VPS13B: variants seen among roughly 807,000 people sequenced by gnomAD.
VPS13B encodes intermembrane lipid transfer protein VPS13B.
Under a neutral mutation model 426.4 loss-of-function variants are expected in VPS13B, and 285 were observed. That is an observed-to-expected ratio of 0.67 (90% confidence interval 0.61 to 0.74). The LOEUF is 0.74. VPS13B is among the 30% of genes least tolerant of loss of function. VPS13B has a pLI of 0.00. For missense variants in VPS13B, 4,537 were observed against 4,782.6 expected, an observed-to-expected ratio of 0.95 and a Z score of 1.51; for synonymous variants, 1,676 against 1,676.4, an observed-to-expected ratio of 1.00 and a Z score of 0.01.
chr8:99,542,646 G>T (rs998726362), intron 30 of VPS13B, among the ~76,000 whole-genome samples: 1 of 152,154 alleles, frequency 6.6e-6, no homozygotes, highest in Non-Finnish European at 1.5e-5. Flanking sequence ...TTATTACATA[G>T]GTGGATGGAG....
At chr8:99,377,571 T>C (rs1484954672) in intron 19 of VPS13B, among the ~76,000 whole-genome samples, 1 of 152,200 alleles carries the variant, frequency 6.6e-6, no homozygotes, top group Non-Finnish European at 1.5e-5. Flanking sequence ...ATCTTCATGA[T>C]TTCATAAGTG....
intron 19 of VPS13B, among the ~76,000 whole-genome samples, chr8:99,286,014 T>G (rs897214584): frequency 6.6e-6 from 1 of 152,118 alleles, no homozygotes; most frequent in African/African-American, 2.4e-5. Context: ...TTGCCCTTCC[T>G]CCTCCCCATC....
At chr8:99,809,919 C>G (rs1017389110) in intron 44 of VPS13B, among the ~76,000 whole-genome samples, 23 of 152,124 alleles carry the variant, frequency 1.5e-4, no homozygotes, top group African/African-American at 5.6e-4. Context: ...AGAGTTGGTT[C>G]TCATGCACGT....
In VPS13B at chr8:99,631,239, G is replaced by T. The variant is rs1471649698; in HGVS notation, c.5221-10572G>T. Among the ~76,000 whole-genome samples the T allele has an allele frequency of 5.9e-5, 9 of 152,150 alleles. No homozygotes were observed. In the East Asian group the frequency reaches 1.7e-3, roughly 29 times the overall value. ...CAAGAATTTGTGTCTCATTCAATTG[G>T]TTTTTCTGGGAATCATGGCATGACT... On this transcript the variant is annotated intron_variant, in intron 33 of 61. Transcript: ENST00000357162.
chr8:99,417,209 C>T (rs1346666649), intron 21 of VPS13B, among the ~76,000 whole-genome samples: 1 of 152,042 alleles, frequency 6.6e-6, no homozygotes, highest in Non-Finnish European at 1.5e-5. Flanking sequence ...TTTTTATAAG[C>T]TCCCTGGATT....
At chr8:99,464,300 T>C (rs1252329393) in intron 23 of VPS13B, among the ~76,000 whole-genome samples, 4 of 152,208 alleles carry the variant, frequency 2.6e-5, no homozygotes, top group Non-Finnish European at 5.9e-5. Context: ...ATCTCCAATA[T>C]TGACCAGCAT....
chr8:99,489,106 A>G (rs925233838), intron 25 of VPS13B, among the ~76,000 whole-genome samples: 2 of 152,182 alleles, frequency 1.3e-5, no homozygotes, highest in Non-Finnish European at 2.9e-5. Context: ...ACATATGGCT[A>G]GCCAGTTTTC....
chr8:99,586,158 G>A (rs549225845), intron 33 of VPS13B, among the ~76,000 whole-genome samples: 52 of 152,200 alleles, frequency 3.4e-4, no homozygotes, highest in African/African-American at 1.2e-3. Flanking sequence ...GTTTTCCATT[G>A]GATGAGGAAA....
chr8:99,289,923 A>G (rs1422378682), intron 19 of VPS13B, among the ~76,000 whole-genome samples: 2 of 152,124 alleles, frequency 1.3e-5, no homozygotes, highest in African/African-American at 4.8e-5. Flanking sequence ...TCCAGAAGAA[A>G]AGAAAAGGCA....
intron 54 of VPS13B, among the ~76,000 whole-genome samples, chr8:99,839,192 T>G (rs1309818655): frequency 6.6e-6 from 1 of 152,232 alleles, no homozygotes; most frequent in Non-Finnish European, 1.5e-5. Flanking sequence ...CAGTAAATTC[T>G]CATGATCTTT....
At chr8:99,146,178 T>C (rs1319200772) in intron 13 of VPS13B, among the ~76,000 whole-genome samples, 2 of 152,254 alleles carry the variant, frequency 1.3e-5, no homozygotes, top group African/African-American at 4.8e-5. Flanking sequence ...TTAATGTTTT[T>C]CATTTTATAC....
At chr8:99,764,760 C>T (rs1811125890) in intron 39 of VPS13B, among the ~76,000 whole-genome samples, 1 of 152,014 alleles carries the variant, frequency 6.6e-6, no homozygotes, top group Non-Finnish European at 1.5e-5. Context: ...GAAATACATC[C>T]TATAGATCTG....
intron 19 of VPS13B, among the ~76,000 whole-genome samples, chr8:99,354,795 G>A (rs1404839196): frequency 1.1e-4 from 16 of 152,060 alleles, no homozygotes; most frequent in Non-Finnish European, 1.9e-4. Flanking sequence ...TGGCTCAAGC[G>A]ATCCTCTCAC....
chr8:99,739,596 C>G lies in VPS13B; in HGVS notation c.7050+18549C>G, dbSNP rs181989989. Among the ~76,000 whole-genome samples, 12 of 152,332 alleles carry G rather than the reference C, an allele frequency of 7.9e-5. No homozygotes were observed. In the East Asian group the frequency reaches 1.9e-3, roughly 25 times the overall value. Reference sequence around the variant, plus strand: ...CCAAGTGGGGCAGACTGACACCTCACACGGCCAGGTACTCCTCTGAGACAA... The same window carrying G: ...CCAAGTGGGGCAGACTGACACCTCAGACGGCCAGGTACTCCTCTGAGACAA... On this transcript the variant is annotated intron_variant, in intron 39 of 61. Coordinates refer to ENST00000357162, the MANE Select transcript of VPS13B (RefSeq NM_152564.5).
At chr8:99,777,611 T>C (rs1353051818) in intron 41 of VPS13B, among the ~76,000 whole-genome samples, 1 of 152,214 alleles carries the variant, frequency 6.6e-6, no homozygotes, top group African/African-American at 2.4e-5. Context: ...ATGTCTGTTC[T>C]TGTTCAGTAT....
chr8:99,258,731 T>G (rs1817889758), intron 17 of VPS13B, among the ~76,000 whole-genome samples: 1 of 152,112 alleles, frequency 6.6e-6, no homozygotes, highest in South Asian at 2.1e-4. Flanking sequence ...TCATATTCCA[T>G]TTTGTCATAT....
At chr8:99,216,859 T>TGAAA (rs1815418460) in intron 17 of VPS13B, among the ~76,000 whole-genome samples, 2 of 152,138 alleles carry the variant, frequency 1.3e-5, no homozygotes, top group Non-Finnish European at 2.9e-5. Context: ...TTTAATGTGG[T>TGAAA]TAGTACAAGA....
At chr8:99,223,240 A>G (rs1376009920) in intron 17 of VPS13B, among the ~76,000 whole-genome samples, 1 of 152,206 alleles carries the variant, frequency 6.6e-6, no homozygotes, top group Non-Finnish European at 1.5e-5. Context: ...ATGATTTCAA[A>G]TATTACTGCT....
chr8:99,712,834 G>T (rs1184448832), intron 36 of VPS13B, among the ~76,000 whole-genome samples: 1 of 150,810 alleles, frequency 6.6e-6, no homozygotes, highest in Non-Finnish European at 1.5e-5. Context: ...AATAATTCAA[G>T]TCTGGAATTT....
Sources: gnomAD v4.1 joint callset for allele counts (sites outside exome capture counted in the v4.1 genomes callset) on GRCh38, gnomAD v4.1.1 for gene constraint, MANE v1.5 for transcripts, NCBI Gene and HGNC (gene_info 2026-07-23, HGNC 2026-07-21) for gene names.